The following RPH3A variants were observed in gnomAD, a reference collection of about 807,000 sequenced individuals.
RPH3A encodes the protein rabphilin-3A.
RPH3A carries 48 observed loss-of-function variants against 102.2 expected under a neutral mutation model. That is an observed-to-expected ratio of 0.47 (90% CI 0.37 to 0.60). The LOEUF is 0.60. RPH3A is among the 20% of genes least tolerant of loss of function. The pLI, the probability that RPH3A is intolerant of heterozygous loss-of-function variation, is 0.00. For missense variants in RPH3A, 781 were observed against 910.1 expected (o/e 0.86, Z 1.83); for synonymous variants, 310 against 324.3 (o/e 0.96, Z 0.47).
At chr12:112,888,903 G>T (rs145159504) in intron 17 of RPH3A, among the ~76,000 whole-genome samples, 1 of 152,146 alleles carries the variant, frequency 6.6e-6, no homozygotes, top group African/African-American at 2.4e-5. Flanking sequence ...CTTACGTATG[G>T]GCCAACTTGG....
At chr12:112,629,137 A>T (rs12320369) in intron 1 of RPH3A, among the ~76,000 whole-genome samples, 1 of 152,098 alleles carries the variant, frequency 6.6e-6, no homozygotes, top group Non-Finnish European at 1.5e-5. Context: ...ACAAACCAGA[A>T]AGGGACCTGG....
At chr12:112,667,331 T>C (rs1420481755) in intron 1 of RPH3A, among the ~76,000 whole-genome samples, 1 of 152,188 alleles carries the variant, frequency 6.6e-6, no homozygotes, top group Non-Finnish European at 1.5e-5. Flanking sequence ...TAAATGTTCA[T>C]TAGGAAGCTC....
intron 5 of RPH3A, among the ~76,000 whole-genome samples, chr12:112,854,059 G>C (rs553849753): frequency 1.7e-4 from 26 of 152,160 alleles, no homozygotes; most frequent in Non-Finnish European, 3.4e-4. Flanking sequence ...CTCTAGCTCA[G>C]GGCTTCTCAA....
chr12:112,714,321 G>A (rs1490574035), intron 1 of RPH3A, among the ~76,000 whole-genome samples: 6 of 152,116 alleles, frequency 3.9e-5, no homozygotes, highest in African/African-American at 1.4e-4. Flanking sequence ...TTCATGAGGC[G>A]AGGAGCTGAT....
At position 112,866,779 on chromosome 12, in the gene RPH3A, T is replaced by A; in HGVS notation, c.383T>A (p.Val128Glu). The A allele has an allele frequency of 6.2e-7, 1 of 1,609,196 alleles. No homozygotes were observed. The highest frequency in any genetic ancestry group is 8.5e-7 in the Non-Finnish European group (1 of 1,176,814). The stretch of plus-strand genomic sequence containing the variant: ...CAGAACGTCTGCACCAAGTGCGGAG[T>A]GGAGACCAACAACCGCCTGCATTCT... Reference protein sequence around the residue: ...CKKNVCTKCGVETNNRLHSVW... With the variant: ...CKKNVCTKCGEETNNRLHSVW... The change falls in exon 7 of 22, where the codon GTG (valine) becomes GAG (glutamate). Residue 128 changes from valine to glutamate, a missense_variant. By Grantham distance (121) the Val-to-Glu change is moderately radical. Coordinates refer to ENST00000389385, the MANE Select transcript of RPH3A (RefSeq NM_001143854.2).
chr12:112,726,208 T>C (rs1175455823), intron 1 of RPH3A, among the ~76,000 whole-genome samples: 3 of 152,024 alleles, frequency 2.0e-5, no homozygotes, highest in Non-Finnish European at 2.9e-5. Context: ...TCCACCTCCC[T>C]GGTTCAAGTG....
chr12:112,869,757 A>G lies in RPH3A; in HGVS notation c.611-2A>G, dbSNP rs1389963568. Reference sequence around the variant, plus strand: ...CTCATAATTTGTGTTTTCTTTCTCCAGGTGACAGTGAAGATAGGAGGGGCC... The same window carrying G: ...CTCATAATTTGTGTTTTCTTTCTCCGGGTGACAGTGAAGATAGGAGGGGCC... On this transcript the variant is annotated splice_acceptor_variant, in intron 8 of 21. Transcript: ENST00000389385. LOFTEE classifies it high-confidence loss of function. The G allele has an allele frequency of 6.2e-7, 1 of 1,614,158 alleles. No homozygotes were observed. Among genetic ancestry groups the G allele is most frequent in the Non-Finnish European group, 8.5e-7 (1 of 1,180,010 alleles).
intron 1 of RPH3A, among the ~76,000 whole-genome samples, chr12:112,586,302 C>G (rs2039438865): frequency 1.3e-5 from 2 of 152,096 alleles, no homozygotes; most frequent in African/African-American, 4.8e-5. Context: ...GCAGGGAAGG[C>G]AGGCAATACA....
chr12:112,670,995 C>G (rs999289405), intron 1 of RPH3A, among the ~76,000 whole-genome samples: 4 of 152,044 alleles, frequency 2.6e-5, no homozygotes, highest in African/African-American at 9.7e-5. Flanking sequence ...AATTAATCAA[C>G]CACAGGGGGG....
chr12:112,875,315 A>G (rs554592789), intron 11 of RPH3A, 145 bp downstream of exon 11: 22 of 670,852 alleles, frequency 3.3e-5, no homozygotes, highest in Non-Finnish European at 5.4e-5. Flanking sequence ...AGACCCTTAC[A>G]ACCAGTAATT....
At chr12:112,590,888 A>G (rs1433868931) in intron 1 of RPH3A, among the ~76,000 whole-genome samples, 2 of 152,180 alleles carry the variant, frequency 1.3e-5, no homozygotes, top group Non-Finnish European at 2.9e-5. Context: ...TCGAAACCTT[A>G]GGTTCAAGTG....
In RPH3A at chr12:112,794,257, A is replaced by T. The variant is rs73425038; in HGVS notation, c.-19+1994A>T. On this transcript the variant is annotated intron_variant, in intron 2 of 21. Transcript: ENST00000389385. ...AGCTTCCCCATCTATGCAATGGGGC[A>T]GTCTGTCTGGGTGGCCCTAAGTCCC... Among the ~76,000 whole-genome samples, 1,086 of 152,244 alleles carry T rather than the reference A, an allele frequency of 7.1e-3. 13 individuals are homozygous for T. The highest frequency in any genetic ancestry group is 0.025 in the African/African-American group (1,027 of 41,552).
chr12:112,780,082 G>A (rs1415071883), intron 1 of RPH3A, among the ~76,000 whole-genome samples: 1 of 152,094 alleles, frequency 6.6e-6, no homozygotes, highest in African/African-American at 2.4e-5. Flanking sequence ...AGTGAAAATG[G>A]CAAAATTTTC....
chr12:112,804,928 A>G (rs557841078), intron 2 of RPH3A, among the ~76,000 whole-genome samples: 1 of 152,282 alleles, frequency 6.6e-6, no homozygotes, highest in South Asian at 2.1e-4. Context: ...GTGGTTTCCA[A>G]ACTCAGATCT....
At chr12:112,800,698 G>A (rs1011789260) in intron 2 of RPH3A, among the ~76,000 whole-genome samples, 2 of 152,080 alleles carry the variant, frequency 1.3e-5, no homozygotes, top group African/African-American at 4.8e-5. Context: ...GAGTGCAGAC[G>A]GGCTTTACTG....
intron 1 of RPH3A, among the ~76,000 whole-genome samples, chr12:112,724,210 C>A (rs2040571364): frequency 6.6e-6 from 1 of 151,814 alleles, no homozygotes; most frequent in Admixed American, 6.6e-5. Flanking sequence ...GCACATGACA[C>A]CATGCCTGGC....
At chr12:112,587,619 A>G (rs1474542436) in intron 1 of RPH3A, among the ~76,000 whole-genome samples, 1 of 152,170 alleles carries the variant, frequency 6.6e-6, no homozygotes, top group Admixed American at 6.5e-5. Context: ...ACAACATCAC[A>G]GCCCCTTATG....
At chr12:112,656,364 G>A (rs777108758) in intron 1 of RPH3A, among the ~76,000 whole-genome samples, 1 of 152,104 alleles carries the variant, frequency 6.6e-6, no homozygotes, top group Non-Finnish European at 1.5e-5. Flanking sequence ...ATACTCCTTG[G>A]TGACATCACC....
At chr12:112,800,027 A>T (rs1412917697) in intron 2 of RPH3A, among the ~76,000 whole-genome samples, 1 of 152,166 alleles carries the variant, frequency 6.6e-6, no homozygotes, top group Admixed American at 6.5e-5. Context: ...CAGACTCAGC[A>T]GTGAGGGAGC....
Sources: allele counts gnomAD v4.1 joint callset (sites outside exome capture counted in the v4.1 genomes callset), GRCh38; gene constraint gnomAD v4.1.1; transcripts MANE v1.5; gene names NCBI Gene and HGNC (gene_info 2026-07-23, HGNC 2026-07-21).